Variants in AHRR observed in about 807,000 individuals in gnomAD.
The protein encoded by AHRR is aryl hydrocarbon receptor repressor, also known as ahR repressor.
AHRR carries 28 observed loss-of-function variants against 44.0 expected under a neutral mutation model. The ratio of observed to expected loss-of-function variants is 0.64; its 90% CI spans 0.47 to 0.87. AHRR has a LOEUF of 0.87. AHRR is among the 40% of genes least tolerant of loss of function. The pLI is 0.00. For synonymous variants in AHRR, 434 were observed against 407.0 expected, an observed-to-expected ratio of 1.07 and a Z score of -0.80; for missense variants, 990 against 953.9, an observed-to-expected ratio of 1.04 and a Z score of -0.50.
At chr5:416,871 T>C (rs888648762) in intron 5 of AHRR, among the ~76,000 whole-genome samples, 2 of 151,742 alleles carry the variant, frequency 1.3e-5, no homozygotes, top group Non-Finnish European at 2.9e-5. Flanking sequence ...GCAGGGCCCA[T>C]GTCTAGAGAA....
chr5:410,785 C>G lies in AHRR; in HGVS notation c.352-2559C>G, dbSNP rs190456389. On this transcript the variant is annotated intron_variant, in intron 4 of 10. Coordinates refer to ENST00000684583, the MANE Select transcript of AHRR (RefSeq NM_001377236.1). ...TTTTTTGATTGGAGCCTGGAGTTTT[C>G]TTTGTAGGAAAGTTTTGATTAGAAA... Among the ~76,000 whole-genome samples, 199 of 152,102 alleles carry G rather than the reference C, an allele frequency of 1.3e-3. 11 individuals are homozygous for G. In the East Asian group the frequency reaches 0.021, roughly 16 times the overall value.
At chr5:368,553 G>A (rs775931790) in intron 3 of AHRR, among the ~76,000 whole-genome samples, 5 of 152,254 alleles carry the variant, frequency 3.3e-5, no homozygotes, top group Non-Finnish European at 7.3e-5. Context: ...TATACCAGAT[G>A]TTTCACATCA....
intron 4 of AHRR, among the ~76,000 whole-genome samples, chr5:393,386 G>A (rs1052833769): frequency 6.6e-6 from 1 of 152,192 alleles, no homozygotes; most frequent in African/African-American, 2.4e-5. Context: ...TCCTCCTCCC[G>A]AGTGTTCCTC....
rs1579651971 is a variant in AHRR, at chr5:388,394, T to C, written c.351+11678T>C. Among the ~76,000 whole-genome samples the C allele has an allele frequency of 1.3e-5, 2 of 152,172 alleles. No individual in the cohort carries two copies. Among genetic ancestry groups the C allele is most frequent in the Admixed American group, 6.5e-5 (1 of 15,284 alleles). On this transcript the variant is annotated intron_variant, in intron 4 of 10. Coordinates refer to ENST00000684583, the MANE Select transcript of AHRR (RefSeq NM_001377236.1). This position sits in a 1 kb window ranked among gnomAD's most constrained non-coding sequence, Gnocchi z 5.2. ...CATCCATCGATGGCTATGGGGAGGG[T>C]ACCTGCCATTACCTCTGTTTATGCT...
intron 3 of AHRR, among the ~76,000 whole-genome samples, chr5:374,480 G>T (rs539147669): frequency 1.1e-3 from 171 of 152,344 alleles, no homozygotes; most frequent in African/African-American, 4.0e-3. Context: ...GGAAGAGGCC[G>T]CCCTTGCCCA....
intron 4 of AHRR, among the ~76,000 whole-genome samples, chr5:386,966 C>T (rs1734192226): frequency 6.6e-6 from 1 of 152,202 alleles, no homozygotes; most frequent in Non-Finnish European, 1.5e-5. Flanking sequence ...TTTGTTTTGT[C>T]TTAGTCACAG....
chr5:364,255 G>A (rs568247483), intron 3 of AHRR, among the ~76,000 whole-genome samples: 10 of 152,300 alleles, frequency 6.6e-5, no homozygotes, highest in Admixed American at 3.9e-4. Context: ...TATACTTCAC[G>A]CAGAAGGAAG....
At chr5:389,498 C>T (rs535281147) in intron 4 of AHRR, among the ~76,000 whole-genome samples, 3 of 152,282 alleles carry the variant, frequency 2.0e-5, no homozygotes, top group Non-Finnish European at 2.9e-5. Flanking sequence ...TGCAGCTGGA[C>T]GTGCTTCAGA....
In AHRR at chr5:360,130, G is replaced by A. The variant is rs950610547; in HGVS notation, c.244+6219G>A. ...AAGGTTAAACAACTTCATAAGTGGG[G>A]GTGGGGGGTGGCCTGAACTGATAGG... On this transcript the variant is annotated intron_variant, in intron 3 of 10. Coordinates refer to ENST00000684583, the MANE Select transcript of AHRR (RefSeq NM_001377236.1). 1.8e-4 allele frequency among the ~76,000 whole-genome samples: 27 copies of A among 152,156 alleles called. 1 individual carries two copies. The highest frequency in any genetic ancestry group is 5.3e-4 in the African/African-American group (22 of 41,420).
chr5:374,700 C>T (rs11743285), intron 3 of AHRR, among the ~76,000 whole-genome samples: 13,820 of 152,268 alleles, frequency 0.091, 877 homozygotes, highest in Non-Finnish European at 0.12. Flanking sequence ...CCGGTGCCAC[C>T]GTCTCCGGGC....
intron 8 of AHRR, among the ~76,000 whole-genome samples, chr5:430,664 T>G (rs1337072966): frequency 6.6e-6 from 1 of 152,144 alleles, no homozygotes; most frequent in Non-Finnish European, 1.5e-5. Context: ...GCAGCAGCGG[T>G]TATTTGAAGG....
At chr5:415,752 G>A (rs1041743895) in intron 5 of AHRR, among the ~76,000 whole-genome samples, 6 of 152,296 alleles carry the variant, frequency 3.9e-5, no homozygotes, top group Admixed American at 3.9e-4. Flanking sequence ...AGCAGGCAGT[G>A]GAAGCCACGA....
At chr5:391,370 G>GCACGAACA (rs1560904197) in intron 4 of AHRR, among the ~76,000 whole-genome samples, 8 of 112,818 alleles carry the variant, frequency 7.1e-5, no homozygotes, top group African/African-American at 2.0e-4. Flanking sequence ...GCCAGAGCGT[G>GCACGAACA]CATGGGCGCA....
intron 4 of AHRR, chr5:403,694 T>TTTTACTTTC: frequency 2.4e-6 from 2 of 816,450 alleles, no homozygotes; most frequent in Admixed American, 2.4e-5. Context: ...TTTTTTTTTT[T>TTTTACTTTC]TACTTTCTCT....
chr5:385,452 G>A lies in AHRR; in HGVS notation c.351+8736G>A, dbSNP rs556264161. On this transcript the variant is annotated intron_variant, in intron 4 of 10. Coordinates refer to ENST00000684583, the MANE Select transcript of AHRR (RefSeq NM_001377236.1). ...AGCCTCCCAAAGTGCTAGGATTACA[G>A]GTATAAACCACCATGCCCAGCTTCG... Among the ~76,000 whole-genome samples the A allele has an allele frequency of 2.0e-5, 3 of 152,290 alleles. No homozygotes were observed. In the East Asian group the frequency reaches 5.8e-4, roughly 29 times the overall value.
intron 4 of AHRR, among the ~76,000 whole-genome samples, chr5:392,320 C>T (rs545279729): frequency 2.3e-5 from 2 of 86,022 alleles, no homozygotes; most frequent in South Asian, 4.2e-4. Context: ...AGAGCGTGCA[C>T]GGGCGCAGGG....
In AHRR at chr5:406,983, A is replaced by C. The variant is rs1371425501; in HGVS notation, c.352-6361A>C. 6.6e-6 allele frequency among the ~76,000 whole-genome samples: 1 copy of C among 152,334 alleles called. No homozygotes were observed. Among genetic ancestry groups the C allele is most frequent in the South Asian group, 2.1e-4 (1 of 4,830 alleles). ...ATTTGAGGTGACACCTTTTTCATGC[A>C]TCAAATTTCCATTTGCGCTTGGACC... On this transcript the variant is annotated intron_variant, in intron 4 of 10. Transcript: ENST00000684583. The surrounding 1 kb of genome is among the most constrained non-coding windows in gnomAD (Gnocchi z 4.7).
intron 1 of AHRR, among the ~76,000 whole-genome samples, chr5:341,234 C>G (rs969394560): frequency 1.3e-5 from 2 of 149,520 alleles, no homozygotes; most frequent in African/African-American, 4.9e-5. Flanking sequence ...AGGCTGGTCT[C>G]GAACTCCTAA....
At chr5:425,516 C>T (rs77682090) in intron 7 of AHRR, among the ~76,000 whole-genome samples, 11,142 of 152,228 alleles carry the variant, frequency 0.073, 493 homozygotes, top group Admixed American at 0.13. Context: ...GACAGTGTTT[C>T]ACTGTTGGTA....
Sources: gnomAD v4.1 joint callset for allele counts (sites outside exome capture counted in the v4.1 genomes callset) on GRCh38, gnomAD v4.1.1 for gene constraint, Gnocchi (gnomAD v3.1) non-coding constraint, MANE v1.5 for transcripts, NCBI Gene and HGNC (gene_info 2026-07-23, HGNC 2026-07-21) for gene names.